The following WASHC2A variants were observed in gnomAD, a reference collection of about 807,000 sequenced individuals.
WASHC2A encodes WASH complex subunit 2A.
Under a neutral mutation model 140.3 loss-of-function variants are expected in WASHC2A, and 82 were observed. The ratio of observed to expected loss-of-function variants is 0.58; its 90% CI spans 0.49 to 0.70. WASHC2A has a LOEUF of 0.70. Ranked by LOEUF, WASHC2A falls within the 30% of genes least tolerant of loss-of-function variation. WASHC2A has a pLI of 0.00. For missense variants in WASHC2A, 985 were observed against 1,521.8 expected, an observed-to-expected ratio of 0.65 and a Z score of 5.87; for synonymous variants, 340 against 560.8, an observed-to-expected ratio of 0.61 and a Z score of 5.56.
At chr10:50,084,620 G>A (rs1839224781) in intron 6 of WASHC2A, among the ~76,000 whole-genome samples, 1 of 151,642 alleles carries the variant, frequency 6.6e-6, no homozygotes, top group Non-Finnish European at 1.5e-5. Context: ...TAGTAGAGAC[G>A]GGGTTTCACC....
chr10:50,131,027 G>T lies in WASHC2A; in HGVS notation c.3835G>T (p.Glu1279Ter). Reference protein sequence around the residue: ...IFADLTVKPKEKSKKKVEAKS... With the variant: ...IFADLTVKPK ...TGCTGACTTAACTGTAAAACCAAAA[G>T]AAAAGTCCAAAAAGAAAGTGGAAGC... The change falls in exon 30 of 31, where the codon GAA becomes TAA. Residue 1279 changes from glutamate to a stop codon, truncating the protein, a stop_gained. Coordinates refer to ENST00000282633, the MANE Select transcript of WASHC2A (RefSeq NM_001005751.3). LOFTEE classifies it high-confidence loss of function. The T allele has an allele frequency of 1.2e-6, 2 of 1,610,950 alleles. No individual in the cohort carries two copies. The highest frequency in any genetic ancestry group is 2.2e-5 in the South Asian group (2 of 90,888).
chr10:50,070,606 G>A (rs2805122), intron 3 of WASHC2A, among the ~76,000 whole-genome samples: 1 of 126,196 alleles, frequency 7.9e-6, no homozygotes, highest in South Asian at 2.3e-4. Context: ...TTTAATAGCT[G>A]GAGTTAAATG....
In WASHC2A at chr10:50,127,739, G is replaced by T; in HGVS notation, c.3031G>T (p.Ala1011Ser). Residue 1011 changes from alanine to serine, a missense_variant, in exon 28 of 31, where the codon GCC becomes TCC. Physicochemically the swap from Ala to Ser is moderately conservative, Grantham distance 99 (BLOSUM62 1). Coordinates refer to ENST00000282633, the MANE Select transcript of WASHC2A (RefSeq NM_001005751.3). ...SVPVLPGSGEAGVSFDLPAQA... is the reference protein window; with the variant it reads ...SVPVLPGSGESGVSFDLPAQA... Reference sequence around the variant, plus strand: ...GCCTGTCCTTCCCGGGAGTGGGGAGGCCGGTGTGAGTTTTGATCTTCCAGC... The same window carrying T: ...GCCTGTCCTTCCCGGGAGTGGGGAGTCCGGTGTGAGTTTTGATCTTCCAGC... 3 of 1,557,464 alleles carry T rather than the reference G, an allele frequency of 1.9e-6. No individual in the cohort carries two copies. In the South Asian group the frequency reaches 3.5e-5, roughly 18 times the overall value.
chr10:50,129,527 A>G lies in WASHC2A; in HGVS notation c.3196A>G (p.Ile1066Val), dbSNP rs777120241. 1.9e-6 allele frequency: 3 copies of G among 1,612,024 alleles called. No homozygotes were observed. The Admixed American group carries it at 5.0e-5, about 27-fold the overall frequency. Residue 1066 changes from isoleucine to valine, a missense_variant, in exon 29 of 31, where the codon ATT (isoleucine) becomes GTT (valine). By Grantham distance (29) the Ile-to-Val change is conservative. Transcript: ENST00000282633. The part of the protein sequence containing the change: ...TEDMSVPRGP[I>V]AQWADGAISP... ...GGACATGAGCGTCCCCAGAGGACCC[A>G]TTGCACAGTGGGCTGATGGCGCCAT...
intron 23 of WASHC2A, among the ~76,000 whole-genome samples, chr10:50,120,759 A>G (rs1767972126): frequency 1.4e-5 from 2 of 146,538 alleles, no homozygotes; most frequent in Non-Finnish European, 3.0e-5. Flanking sequence ...CAAAAATACT[A>G]CTAAACCCAA....
chr10:50,124,611 T>A (rs1843268113), intron 23 of WASHC2A, among the ~76,000 whole-genome samples: 1 of 152,230 alleles, frequency 6.6e-6, no homozygotes, highest in Admixed American at 6.5e-5. Flanking sequence ...GTCGCACCTG[T>A]GCCAGGTCTT....
rs1843555204 is a variant in WASHC2A at position 50,127,696 on chromosome 10, C to T, written c.2988C>T (p.Ser996=). 23 of 1,579,870 alleles carry T rather than the reference C, an allele frequency of 1.5e-5. No individual in the cohort carries two copies. Among genetic ancestry groups the T allele is most frequent in the East Asian group, 2.3e-5 (1 of 44,178 alleles). Residue 996 remains serine, a synonymous_variant, in exon 28 of 31, where the codon AGC becomes AGT. Coordinates refer to ENST00000282633, the MANE Select transcript of WASHC2A (RefSeq NM_001005751.3). Reference sequence around the variant, plus strand: ...TTCCTTCATCTGAACACAGAAGGAGCCACGGTCTGGAAAGTGTGCCTGTCC... The same window carrying T: ...TTCCTTCATCTGAACACAGAAGGAGTCACGGTCTGGAAAGTGTGCCTGTCC... ...LAFPSSEHRR[S]HGLESVPVLP... is the part of the protein sequence containing the mutation.
intron 25 of WASHC2A, among the ~76,000 whole-genome samples, chr10:50,125,658 T>C (rs1843361724): frequency 6.6e-6 from 1 of 152,214 alleles, no homozygotes; most frequent in Non-Finnish European, 1.5e-5. Flanking sequence ...TATACTAACA[T>C]TAAAACATTA....
chr10:50,116,293 C>T (rs1842666412), intron 21 of WASHC2A, among the ~76,000 whole-genome samples: 1 of 83,400 alleles, frequency 1.2e-5, no homozygotes, highest in Non-Finnish European at 2.4e-5. Context: ...TCTCCCCTAT[C>T]AACTATTTGC....
chr10:50,094,822 G>A (rs1345667014), intron 13 of WASHC2A, among the ~76,000 whole-genome samples: 1 of 150,796 alleles, frequency 6.6e-6, no homozygotes, highest in Non-Finnish European at 1.5e-5. Flanking sequence ...GGAACTGTTT[G>A]GGGGAGCCCT....
At chr10:50,078,553 C>T in intron 3 of WASHC2A, 122 bp from the exon 4 acceptor site, 23 of 1,603,762 alleles carry the variant, frequency 1.4e-5, no homozygotes, top group Non-Finnish European at 2.0e-5. Context: ...TGGTCTCAGC[C>T]CTTTGCTGAA....
intron 3 of WASHC2A, among the ~76,000 whole-genome samples, chr10:50,077,760 C>T (rs1838504479): frequency 6.6e-6 from 1 of 151,444 alleles, no homozygotes; most frequent in Non-Finnish European, 1.5e-5. Context: ...GCAGCCTTTA[C>T]CTCCCAAGCT....
intron 20 of WASHC2A, among the ~76,000 whole-genome samples, chr10:50,110,892 CAAAAAAAA>C (rs1239943523): frequency 2.9e-5 from 2 of 69,726 alleles, no homozygotes; most frequent in African/African-American, 1.1e-4. Flanking sequence ...GACTCCATCT[CAAAAAAAA>C]AAAAAAAAAA....
chr10:50,081,758 G>A (rs1838907403), intron 5 of WASHC2A, among the ~76,000 whole-genome samples: 1 of 151,270 alleles, frequency 6.6e-6, no homozygotes, highest in South Asian at 2.1e-4. Flanking sequence ...CCAGCCTCCC[G>A]AGTAGCTGGG....
intron 3 of WASHC2A, among the ~76,000 whole-genome samples, chr10:50,076,999 C>T (rs1426452292): frequency 6.6e-6 from 1 of 151,880 alleles, no homozygotes; most frequent in African/African-American, 2.4e-5. Context: ...CACCTGTAGT[C>T]CCAGCTACTC....
chr10:50,126,349 C>T (rs1388667259), intron 26 of WASHC2A, 170 bp downstream of exon 26: 14 of 1,057,850 alleles, frequency 1.3e-5, no homozygotes, highest in East Asian at 7.5e-5. Context: ...CCCCTCTCCT[C>T]GCTCCACACG....
intron 8 of WASHC2A, among the ~76,000 whole-genome samples, chr10:50,088,944 A>G (rs1396851544): frequency 9.9e-6 from 1 of 101,036 alleles, no homozygotes; most frequent in Non-Finnish European, 2.1e-5. Context: ...GTAAATGCAA[A>G]CAGTTTTTCT....
chr10:50,068,704 T>G (rs1837521168), intron 2 of WASHC2A, among the ~76,000 whole-genome samples: 1 of 149,638 alleles, frequency 6.7e-6, no homozygotes, highest in Non-Finnish European at 1.5e-5. Flanking sequence ...GTGATCTCTG[T>G]AGATTGACAA....
intron 17 of WASHC2A, among the ~76,000 whole-genome samples, 171 bp from the exon 18 acceptor site, chr10:50,103,871 A>C (rs1467863700): frequency 1.7e-4 from 26 of 152,080 alleles, no homozygotes; most frequent in Non-Finnish European, 3.1e-4. Flanking sequence ...CACCCTGCAC[A>C]GACCCTGAGG....
Sources: allele counts gnomAD v4.1 joint callset (sites outside exome capture counted in the v4.1 genomes callset), GRCh38; gene constraint gnomAD v4.1.1; transcripts MANE v1.5; gene names NCBI Gene and HGNC (gene_info 2026-07-23, HGNC 2026-07-21).